The following ADAMTS9 variants were observed in gnomAD, a reference collection of about 807,000 sequenced individuals.
ADAMTS9 encodes the protein A disintegrin and metalloproteinase with thrombospondin motifs 9.
ADAMTS9 carries 107 observed loss-of-function variants against 257.1 expected under a neutral mutation model. The observed-to-expected ratio is 0.42, with a 90% CI of 0.36 to 0.49. The LOEUF (loss-of-function observed/expected upper bound fraction) is 0.49, where lower values mean the gene tolerates loss of function less well. Ranked by LOEUF, ADAMTS9 falls within the 20% of genes least tolerant of loss-of-function variation. The pLI, the probability that ADAMTS9 is intolerant of heterozygous loss-of-function variation, is 0.03. For missense variants in ADAMTS9, 2,353 were observed against 2,469.1 expected, an observed-to-expected ratio of 0.95 and a Z score of 1.00; for synonymous variants, 982 against 880.9, an observed-to-expected ratio of 1.11 and a Z score of -2.03.
intron 30 of ADAMTS9, among the ~76,000 whole-genome samples, chr3:64,553,303 C>A (rs2083292782): frequency 6.6e-6 from 1 of 152,124 alleles, no homozygotes; most frequent in Non-Finnish European, 1.5e-5. Flanking sequence ...TGGAATCATC[C>A]AATATGTGGC....
intron 32 of ADAMTS9, among the ~76,000 whole-genome samples, chr3:64,543,070 A>C (rs954059589): frequency 1.3e-5 from 2 of 152,228 alleles, no homozygotes; most frequent in Admixed American, 1.3e-4. Context: ...AACCAGAAAG[A>C]AGTTGAATCC....
intron 32 of ADAMTS9, among the ~76,000 whole-genome samples, chr3:64,544,660 C>T (rs553428769): frequency 6.6e-6 from 1 of 152,158 alleles, no homozygotes; most frequent in East Asian, 1.9e-4. Flanking sequence ...CCATAAAAAC[C>T]CTAGAAGAAA....
Position 64,613,710 on chromosome 3 carries a change from G to A in ADAMTS9, c.3190-201C>T, listed in dbSNP as rs113537855. 2.0e-3 allele frequency among the ~76,000 whole-genome samples: 309 copies of A among 151,754 alleles called. 3 individuals are homozygous for A. The highest frequency in any genetic ancestry group is 7.3e-3 in the African/African-American group (301 of 41,344). ...ATTCATTCTATATTTATAGTCTCTG[G>A]GCCAGTTTTGAGCACAAAATAAACT... On this transcript the variant is annotated intron_variant, in intron 21 of 39. Coordinates refer to ENST00000498707, the MANE Select transcript of ADAMTS9 (RefSeq NM_182920.2).
At chr3:64,564,517 A>G (rs574719652) in intron 29 of ADAMTS9, among the ~76,000 whole-genome samples, 1 of 152,304 alleles carries the variant, frequency 6.6e-6, no homozygotes, top group African/African-American at 2.4e-5. Context: ...TAATAACACA[A>G]ACTTTTACTA....
intron 3 of ADAMTS9, among the ~76,000 whole-genome samples, chr3:64,673,080 G>GAACAATAGGCTA (rs1341096488): frequency 6.6e-6 from 1 of 152,124 alleles, no homozygotes; most frequent in African/African-American, 2.4e-5. Context: ...CGTAGCCTAG[G>GAACAATAGGCTA]TGTGTGGTAG....
At chr3:64,538,716 C>T (rs776054598) in intron 37 of ADAMTS9, among the ~76,000 whole-genome samples, 18 of 152,164 alleles carry the variant, frequency 1.2e-4, no homozygotes, top group Admixed American at 3.9e-4. Flanking sequence ...TGAGAGTCAA[C>T]TGTCTGCCTT....
chr3:64,618,481 A>G (rs1700022000), intron 19 of ADAMTS9, among the ~76,000 whole-genome samples: 1 of 152,226 alleles, frequency 6.6e-6, no homozygotes, highest in South Asian at 2.1e-4. Context: ...GTATTGTGAC[A>G]TTATTTTTAA....
chr3:64,575,271 A>G (rs2083810425), intron 28 of ADAMTS9, among the ~76,000 whole-genome samples: 1 of 152,168 alleles, frequency 6.6e-6, no homozygotes, highest in African/African-American at 2.4e-5. Context: ...TATTCTGTCC[A>G]TCTATTTATT....
intron 11 of ADAMTS9, 40 bp from the exon 12 acceptor site, chr3:64,642,033 T>C (rs778903813): frequency 4.7e-5 from 76 of 1,610,390 alleles, no homozygotes; most frequent in Admixed American, 1.0e-4. Context: ...GACTTGGCGC[T>C]GTGAGTTGTT....
At position 64,680,545 on chromosome 3, in the gene ADAMTS9, C is replaced by A. The variant is rs12492549; in HGVS notation, c.679+656G>T. On this transcript the variant is annotated intron_variant, in intron 3 of 39. Transcript: ENST00000498707. ...TCCAGGGTGCCCAGAATGACATATC[C>A]TTGACAATGGCCAAACATGTCAGCG... 1.6e-3 allele frequency among the ~76,000 whole-genome samples: 249 copies of A among 152,122 alleles called. 2 individuals carry two copies. The highest frequency in any genetic ancestry group is 1.0e-2 in the South Asian group (48 of 4,820).
intron 3 of ADAMTS9, among the ~76,000 whole-genome samples, chr3:64,673,959 C>T (rs569477129): frequency 8.6e-5 from 13 of 151,802 alleles, no homozygotes; most frequent in African/African-American, 3.1e-4. Context: ...TTTTTAAAAA[C>T]AAAATGATAA....
chr3:64,569,340 C>T (rs1053947873), intron 28 of ADAMTS9, among the ~76,000 whole-genome samples: 4 of 152,280 alleles, frequency 2.6e-5, no homozygotes, highest in African/African-American at 7.2e-5. Context: ...TTAGTGATTA[C>T]AGAAGTCATT....
chr3:64,619,708 G>C lies in ADAMTS9; in HGVS notation c.2813+1406C>G, dbSNP rs1490794569. Among the ~76,000 whole-genome samples, 3 of 152,074 alleles carry C rather than the reference G, an allele frequency of 2.0e-5. No homozygotes were observed. In the South Asian group the frequency reaches 6.2e-4, roughly 32 times the overall value. On this transcript the variant is annotated intron_variant, in intron 19 of 39. Coordinates refer to ENST00000498707, the MANE Select transcript of ADAMTS9 (RefSeq NM_182920.2). Reference sequence around the variant, plus strand: ...AAAAAATAGTTCTTAGTAAATGGTTGACTCTATTACCATAACCATTACAGA... The same window carrying C: ...AAAAAATAGTTCTTAGTAAATGGTTCACTCTATTACCATAACCATTACAGA...
intron 30 of ADAMTS9, among the ~76,000 whole-genome samples, chr3:64,556,904 C>T (rs1180782948): frequency 6.6e-6 from 1 of 151,880 alleles, no homozygotes; most frequent in African/African-American, 2.4e-5. Context: ...TAACAGGTAT[C>T]TTTGATGTTG....
intron 3 of ADAMTS9, 41 bp downstream of exon 3, chr3:64,681,160 C>G: frequency 1.9e-6 from 3 of 1,586,238 alleles, no homozygotes; most frequent in Non-Finnish European, 2.6e-6. Context: ...ATTTACCCAT[C>G]TCAAAGAGCT....
At position 64,655,803 on chromosome 3, in the gene ADAMTS9, G is replaced by T; in HGVS notation, c.1042C>A (p.His348Asn). 2 of 1,571,390 alleles carry T rather than the reference G, an allele frequency of 1.3e-6. No individual in the cohort carries two copies. The highest frequency in any genetic ancestry group is 8.6e-7 in the Non-Finnish European group (1 of 1,160,800). Residue 348 changes from histidine to asparagine, a missense_variant, in exon 5 of 40, where the codon CAT becomes AAT. This residue lies in a region of ADAMTS9 where 591 missense variants were observed against 569.6 expected (regional missense o/e 1.04). Coordinates refer to ENST00000498707, the MANE Select transcript of ADAMTS9 (RefSeq NM_182920.2). ...NIVIVNLIVI[H>N]NEQDGPSISF... ...AAAAACTTTATTACCTGTTCATTAT[G>T]AATCACAATTAAGTTCACAATAACA... is the stretch of plus-strand genomic sequence containing the variant.
intron 3 of ADAMTS9, among the ~76,000 whole-genome samples, chr3:64,665,187 T>G (rs1256048673): frequency 1.3e-5 from 2 of 152,234 alleles, no homozygotes; most frequent in Non-Finnish European, 2.9e-5. Flanking sequence ...TCATAGGTAT[T>G]ACAGTTCTCA....
chr3:64,684,806 G>T (rs1054414169), intron 2 of ADAMTS9: 3 of 152,184 alleles, frequency 2.0e-5, no homozygotes, highest in Non-Finnish European at 4.4e-5. Flanking sequence ...TTATACAACT[G>T]CTGGGGCCAC....
chr3:64,578,132 A>G (rs1170675251), intron 28 of ADAMTS9, among the ~76,000 whole-genome samples: 1 of 152,200 alleles, frequency 6.6e-6, no homozygotes, highest in Non-Finnish European at 1.5e-5. Context: ...TCTCAGCAGC[A>G]GGGATAAAGG....
Sources: gnomAD v4.1 joint callset for allele counts (sites outside exome capture counted in the v4.1 genomes callset) on GRCh38, gnomAD v4.1.1 for gene constraint, gnomAD v4.1.1 regional missense constraint, MANE v1.5 for transcripts, NCBI Gene and HGNC (gene_info 2026-07-23, HGNC 2026-07-21) for gene names.